The following CRIM1 variants were observed in gnomAD, a reference collection of about 807,000 sequenced individuals.
The protein encoded by CRIM1 is cysteine-rich motor neuron 1 protein.
A neutral mutation model predicts 116.4 loss-of-function variants in CRIM1; 32 were observed. That is an observed-to-expected ratio of 0.27 (90% CI 0.21 to 0.37). The LOEUF is 0.37. Ranked by LOEUF, CRIM1 falls within the 10% of genes least tolerant of loss-of-function variation. The pLI is 1.00. For synonymous variants in CRIM1, 590 were observed against 509.2 expected, an observed-to-expected ratio of 1.16 and a Z score of -2.13; for missense variants, 1,331 against 1,354.8, an observed-to-expected ratio of 0.98 and a Z score of 0.28.
chr2:36,356,770 C>G lies in CRIM1; in HGVS notation c.331+147C>G. The G allele has an allele frequency of 1.3e-6, 1 of 754,666 alleles. No individual in the cohort carries two copies. The highest frequency in any genetic ancestry group is 1.9e-5 in the South Asian group (1 of 53,810). The allele number at this position is 754,666 out of a possible 1,614,324, so 46.7% of individuals were successfully genotyped here. ...CGGCCGCCGCCCCCAGGAGAGTGCC[C>G]CCGCGGCCCTGCGTTCCCTCTCCTT... is the stretch of plus-strand genomic sequence containing the variant. On this transcript the variant is annotated intron_variant, in intron 1 of 16. Transcript: ENST00000280527. The surrounding 1 kb of genome is among the most constrained non-coding windows in gnomAD (Gnocchi z 4.3).
At chr2:36,539,618 A>C (rs1459840032) in intron 14 of CRIM1, among the ~76,000 whole-genome samples, 2 of 152,074 alleles carry the variant, frequency 1.3e-5, no homozygotes, top group African/African-American at 4.8e-5. Flanking sequence ...CTTTTTTAAG[A>C]ATCCGGGCGA....
intron 13 of CRIM1, among the ~76,000 whole-genome samples, chr2:36,524,466 A>C (rs1665620982): frequency 6.6e-6 from 1 of 152,176 alleles, no homozygotes; most frequent in Non-Finnish European, 1.5e-5. Flanking sequence ...GTTCAGAGGT[A>C]CAAGTGCAGT....
chr2:36,486,048 A>G (rs1307299011), intron 7 of CRIM1, among the ~76,000 whole-genome samples: 2 of 152,212 alleles, frequency 1.3e-5, no homozygotes, highest in African/African-American at 4.8e-5. Flanking sequence ...TCAATGTTGA[A>G]TATTGTCATA....
At position 36,374,708 on chromosome 2, in the gene CRIM1, A is replaced by G. The variant is rs1366403874; in HGVS notation, c.331+18085A>G. Among the ~76,000 whole-genome samples, 6 of 152,122 alleles carry G rather than the reference A, an allele frequency of 3.9e-5. No individual in the cohort carries two copies. In the East Asian group the frequency reaches 7.7e-4, roughly 20 times the overall value. Reference sequence around the variant, plus strand: ...AAAATTCTATTTAAGAGAAAATCCTATGTAGTCGTAATGGAATTTATTTTC... The same window carrying G: ...AAAATTCTATTTAAGAGAAAATCCTGTGTAGTCGTAATGGAATTTATTTTC... On this transcript the variant is annotated intron_variant, in intron 1 of 16. Coordinates refer to ENST00000280527, the MANE Select transcript of CRIM1 (RefSeq NM_016441.3).
At chr2:36,454,234 T>C (rs1185640213) in intron 4 of CRIM1, among the ~76,000 whole-genome samples, 2 of 152,162 alleles carry the variant, frequency 1.3e-5, no homozygotes, top group African/African-American at 4.8e-5. Context: ...AGTTTAAACT[T>C]AACACACTGT....
intron 2 of CRIM1, among the ~76,000 whole-genome samples, chr2:36,400,955 G>A (rs534577096): frequency 1.3e-5 from 2 of 152,216 alleles, no homozygotes; most frequent in African/African-American, 4.8e-5. Context: ...GTAGTTTATA[G>A]TATTAAGGGT....
At chr2:36,432,090 T>C (rs897691912) in intron 2 of CRIM1, among the ~76,000 whole-genome samples, 9 of 152,214 alleles carry the variant, frequency 5.9e-5, no homozygotes, top group African/African-American at 2.2e-4. Flanking sequence ...GTTGCTGAGC[T>C]GGCTATACAA....
intron 16 of CRIM1, among the ~76,000 whole-genome samples, chr2:36,547,769 T>TA (rs1439269733): frequency 2.0e-5 from 3 of 152,282 alleles, no homozygotes; most frequent in Admixed American, 2.0e-4. Context: ...AGTACAAACA[T>TA]AAAGGGCCTC....
chr2:36,546,938 C>A, intron 15 of CRIM1, 46 bp from the exon 16 acceptor site: 1 of 1,111,164 alleles, frequency 9.0e-7, no homozygotes, highest in Non-Finnish European at 1.3e-6. Context: ...TAATCCTTAA[C>A]AATTCTGGTT....
intron 1 of CRIM1, among the ~76,000 whole-genome samples, chr2:36,374,716 G>C (rs1002356773): frequency 6.6e-6 from 1 of 152,088 alleles, no homozygotes; most frequent in Non-Finnish European, 1.5e-5. Context: ...CTATGTAGTC[G>C]TAATGGAATT....
chr2:36,471,232 A>G (rs1678488716), intron 5 of CRIM1, among the ~76,000 whole-genome samples: 1 of 152,202 alleles, frequency 6.6e-6, no homozygotes, highest in South Asian at 2.1e-4. Flanking sequence ...AGGGATTTAG[A>G]CTATTACATA....
chr2:36,497,215 C>A, intron 7 of CRIM1, among the ~76,000 whole-genome samples: 1 of 152,038 alleles, frequency 6.6e-6, no homozygotes, highest in Middle Eastern at 3.2e-3. Flanking sequence ...ATAAGCTGTC[C>A]AGGAAAGCAG....
intron 7 of CRIM1, among the ~76,000 whole-genome samples, chr2:36,480,095 A>G (rs924774387): frequency 1.3e-5 from 2 of 152,218 alleles, no homozygotes; most frequent in Non-Finnish European, 2.9e-5. Flanking sequence ...CAACTAGAAG[A>G]AAAGACTGGA....
At chr2:36,380,346 C>G (rs1336935005) in intron 1 of CRIM1, among the ~76,000 whole-genome samples, 25 of 152,174 alleles carry the variant, frequency 1.6e-4, no homozygotes, top group Admixed American at 1.6e-3. Context: ...GCACTGCCCA[C>G]TATGTCATGG....
intron 4 of CRIM1, among the ~76,000 whole-genome samples, 179 bp downstream of exon 4, chr2:36,442,914 C>T (rs916457783): frequency 1.3e-5 from 2 of 152,142 alleles, no homozygotes; most frequent in African/African-American, 4.8e-5. Flanking sequence ...CAGATCAAAA[C>T]CAGGTGTCAT....
At chr2:36,387,005 A>C (rs751798752) in intron 1 of CRIM1, among the ~76,000 whole-genome samples, 1 of 152,212 alleles carries the variant, frequency 6.6e-6, no homozygotes, top group Non-Finnish European at 1.5e-5. Context: ...AGGTTGAAGA[A>C]GTTTGCTGGG....
chr2:36,382,665 G>A (rs1023085799), intron 1 of CRIM1, among the ~76,000 whole-genome samples: 2 of 152,268 alleles, frequency 1.3e-5, no homozygotes, highest in African/African-American at 4.8e-5. Context: ...GTGAGGTCCA[G>A]TGTGATGCTC....
chr2:36,548,975 T>G lies in CRIM1; in HGVS notation c.*274T>G. On this transcript the variant is annotated 3_prime_UTR_variant, in exon 17 of 17. Transcript: ENST00000280527. The stretch of plus-strand genomic sequence containing the variant: ...CCTGTAAGATAGCTGTAGAGATATT[T>G]GGGGTGGGGACAGTGAGTTTGGATG... The G allele has an allele frequency of 3.6e-5, 7 of 195,552 alleles. No individual in the cohort carries two copies. The highest frequency in any genetic ancestry group is 5.2e-5 in the Non-Finnish European group (5 of 96,180). The allele number at this position is 195,552 out of a possible 1,614,324, so 12.1% of individuals were successfully genotyped here. A position where few individuals can be genotyped will look rare whatever the true frequency, so the allele number is the denominator to read the frequency against.
intron 1 of CRIM1, among the ~76,000 whole-genome samples, chr2:36,373,769 T>G (rs1018303327): frequency 6.6e-6 from 1 of 151,704 alleles, no homozygotes; most frequent in African/African-American, 2.4e-5. Context: ...TTATGTGATG[T>G]GTGCATGTGC....
Sources: gnomAD v4.1 joint callset for allele counts (sites outside exome capture counted in the v4.1 genomes callset) on GRCh38, gnomAD v4.1.1 for gene constraint, Gnocchi (gnomAD v3.1) non-coding constraint, MANE v1.5 for transcripts, NCBI Gene and HGNC (gene_info 2026-07-23, HGNC 2026-07-21) for gene names.